EPS15: variants seen among roughly 807,000 people sequenced by gnomAD.
EPS15 encodes epidermal growth factor receptor substrate 15.
In EPS15, 72 loss-of-function variants were observed where a neutral mutation model predicts 113.8. The observed-to-expected ratio is 0.63, with a 90% CI of 0.52 to 0.77. EPS15 has a LOEUF of 0.77. EPS15 is among the 30% of genes least tolerant of loss of function. The pLI, the probability that EPS15 is intolerant of heterozygous loss-of-function variation, is 0.00. For missense variants in EPS15, 1,048 were observed against 1,045.8 expected, an observed-to-expected ratio of 1.00 and a Z score of -0.03; for synonymous variants, 344 against 363.4, an observed-to-expected ratio of 0.95 and a Z score of 0.61.
At position 51,508,186 on chromosome 1, in the gene EPS15, G is replaced by GAGAAAAGAAAAGAAAAGAAAAGAAA. The variant is rs763482561; in HGVS notation, c.33+10988_33+11012dup. ...ACAGAGCAAGACTCAGTCACAAAAA[G>GAGAAAAGAAAAGAAAAGAAAAGAAA]AGAAAAGAAAAGAAAAGAAAAGAAA... is the stretch of plus-strand genomic sequence containing the variant. On this transcript the variant is annotated intron_variant, in intron 1 of 24. Transcript: ENST00000371733. 8.5e-3 allele frequency among the ~76,000 whole-genome samples: 687 copies of GAGAAAAGAAAAGAAAAGAAAAGAAA among 81,064 alleles called. 6 individuals are homozygous for GAGAAAAGAAAAGAAAAGAAAAGAAA. The highest frequency in any genetic ancestry group is 0.013 in the Admixed American group (79 of 6,010). 53.2% of individuals were successfully genotyped at this position (81,064 alleles called of 152,430 possible). A position where few individuals can be genotyped will look rare whatever the true frequency, so the allele number is the denominator to read the frequency against.
intron 7 of EPS15, 152 bp downstream of exon 7, chr1:51,463,521 A>G: frequency 2.0e-6 from 1 of 500,278 alleles, no homozygotes; most frequent in Non-Finnish European, 3.5e-6. Context: ...CAATAATTTT[A>G]TACATTAAGT....
chr1:51,401,029 T>C, intron 18 of EPS15, 76 bp from the exon 19 acceptor site: 2 of 964,162 alleles, frequency 2.1e-6, no homozygotes, highest in Non-Finnish European at 3.1e-6. Context: ...AGAGTAACTT[T>C]CAAACAAAAG....
At chr1:51,512,184 A>T (rs375468605) in intron 1 of EPS15, among the ~76,000 whole-genome samples, 2 of 152,188 alleles carry the variant, frequency 1.3e-5, no homozygotes, top group East Asian at 1.9e-4. Flanking sequence ...AAACTACAGG[A>T]GTAGCTAAAG....
chr1:51,471,335 C>T (rs1655221766), intron 4 of EPS15, among the ~76,000 whole-genome samples: 1 of 152,150 alleles, frequency 6.6e-6, no homozygotes, highest in Admixed American at 6.5e-5. Context: ...TGTGATTAAC[C>T]AAGAGTTTCC....
Position 51,447,150 on chromosome 1 carries a change from A to T in EPS15, c.652-45T>A, listed in dbSNP as rs369765985. The T allele has an allele frequency of 2.0e-6, 3 of 1,532,176 alleles. No individual in the cohort carries two copies. In the African/African-American group the frequency reaches 4.2e-5, roughly 21 times the overall value. The allele number at this position is 1,532,176 out of a possible 1,614,324, so 94.9% of individuals were successfully genotyped here. On this transcript the variant is annotated intron_variant, in intron 9 of 24. Coordinates refer to ENST00000371733, the MANE Select transcript of EPS15 (RefSeq NM_001981.3). ...CAGTATTTCTGCCAAAATGAAACAA[A>T]CTTTGAAGTGTCACTCTTTCAATCC... is the stretch of plus-strand genomic sequence containing the variant.
chr1:51,480,774 A>G (rs1457639870), intron 2 of EPS15, among the ~76,000 whole-genome samples: 1 of 152,110 alleles, frequency 6.6e-6, no homozygotes, highest in African/African-American at 2.4e-5. Context: ...AGCCTCCCAA[A>G]GGGCTGGGAT....
chr1:51,405,915 T>G lies in EPS15; in HGVS notation c.1667A>C (p.Gln556Pro), dbSNP rs140792382. ...QSNLESEPIH[Q>P]ESPARSSPEL... is the part of the protein sequence containing the mutation. The stretch of plus-strand genomic sequence containing the variant: ...AAGTATTAGACTCACTGGAGATTCC[T>G]GGTGTATGGGCTCAGACTCTAGGTT... The change falls in exon 16 of 25, where the codon CAG becomes CCG. Residue 556 changes from glutamine to proline, a missense_variant. By Grantham distance (76) the Gln-to-Pro change is moderately conservative. Coordinates refer to ENST00000371733, the MANE Select transcript of EPS15 (RefSeq NM_001981.3). The G allele has an allele frequency of 2.1e-4, 345 of 1,613,860 alleles. No homozygotes were observed. The highest frequency in any genetic ancestry group is 1.7e-4 in the Admixed American group (10 of 59,976).
At chr1:51,481,169 C>A in intron 2 of EPS15, 104 bp downstream of exon 2, 1 of 720,988 alleles carries the variant, frequency 1.4e-6, no homozygotes, top group Non-Finnish European at 2.5e-6. Context: ...GAAAACAAGA[C>A]ACATCAAATT....
At chr1:51,474,902 A>T (rs972679039) in intron 2 of EPS15, among the ~76,000 whole-genome samples, 4 of 144,206 alleles carry the variant, frequency 2.8e-5, no homozygotes, top group Non-Finnish European at 6.0e-5. Flanking sequence ...TCATTGTTCA[A>T]TTCCCACCTA....
chr1:51,490,878 TC>T (rs1644220710), intron 1 of EPS15, among the ~76,000 whole-genome samples: 1 of 152,110 alleles, frequency 6.6e-6, no homozygotes, highest in Non-Finnish European at 1.5e-5. Flanking sequence ...TTAAATAAGG[TC>T]TGTGGGTTAT....
At chr1:51,436,272 C>G (rs963114420) in intron 12 of EPS15, among the ~76,000 whole-genome samples, 6 of 152,016 alleles carry the variant, frequency 3.9e-5, no homozygotes, top group African/African-American at 7.3e-5. Context: ...ACTGAGGGAT[C>G]TGAGTTGTAT....
At chr1:51,357,427 T>TATA (rs57828043) in intron 24 of EPS15, among the ~76,000 whole-genome samples, 153 of 44,538 alleles carry the variant, frequency 3.4e-3, no homozygotes, top group Middle Eastern at 0.012. Context: ...TATATATATA[T>TATA]TTTTTTTTTT....
rs549302582 is a variant in EPS15 at position 51,411,396 on chromosome 1, C to T, written c.1114-1700G>A. On this transcript the variant is annotated intron_variant, in intron 13 of 24. Transcript: ENST00000371733. Reference sequence around the variant, plus strand: ...AGAAAGGCAAAAAGTGACCCTTGTGCCATGAATTGCTAACTCTTGCACAAA... The same window carrying T: ...AGAAAGGCAAAAAGTGACCCTTGTGTCATGAATTGCTAACTCTTGCACAAA... 5.3e-5 allele frequency among the ~76,000 whole-genome samples: 8 copies of T among 152,156 alleles called. No individual in the cohort carries two copies. The East Asian group carries it at 1.5e-3, about 29-fold the overall frequency.
chr1:51,496,858 A>C (rs1275192420), intron 1 of EPS15, among the ~76,000 whole-genome samples: 1 of 152,204 alleles, frequency 6.6e-6, no homozygotes, highest in African/African-American at 2.4e-5. Context: ...AATGTTCTCC[A>C]AGAGTTTAAC....
In EPS15 at chr1:51,365,987, C is replaced by G. The variant is rs779338224; in HGVS notation, c.2162G>C (p.Gly721Ala). The change falls in exon 22 of 25, where the codon GGA becomes GCA. Residue 721 changes from glycine to alanine, a missense_variant. Transcript: ENST00000371733. ...TGTGCTGAAGTCAGCAAATCCACCT[C>G]CAAATGATTCATTCCCAAAAACAGA... ...FASVFGNESF[G>A]GGFADFSTLS... The G allele has an allele frequency of 1.2e-6, 2 of 1,613,042 alleles. No individual in the cohort carries two copies. Among genetic ancestry groups the G allele is most frequent in the African/African-American group, 2.7e-5 (2 of 74,866 alleles).
chr1:51,372,238 A>G, intron 21 of EPS15: 3 of 475,916 alleles, frequency 6.3e-6, no homozygotes, highest in South Asian at 4.6e-5. Flanking sequence ...GCAGGGAGCT[A>G]GGCCTAGTGG....
chr1:51,398,704 C>A (rs911655879), intron 20 of EPS15, among the ~76,000 whole-genome samples: 2 of 152,152 alleles, frequency 1.3e-5, no homozygotes, highest in Non-Finnish European at 2.9e-5. Context: ...CAATAATATA[C>A]CAAACATTTC....
At chr1:51,409,719 T>G in intron 13 of EPS15, 23 bp from the exon 14 acceptor site, 1 of 1,550,370 alleles carries the variant, frequency 6.5e-7, no homozygotes, top group East Asian at 2.2e-5. Context: ...AAAATTAATA[T>G]ATTTATTTTC....
At chr1:51,515,610 C>CT (rs1644701446) in intron 1 of EPS15, among the ~76,000 whole-genome samples, 1 of 152,160 alleles carries the variant, frequency 6.6e-6, no homozygotes, top group Non-Finnish European at 1.5e-5. Flanking sequence ...ATAGCACTAA[C>CT]TTTGAACACA....
Sources: allele counts gnomAD v4.1 joint callset (sites outside exome capture counted in the v4.1 genomes callset), GRCh38; gene constraint gnomAD v4.1.1; transcripts MANE v1.5; gene names NCBI Gene and HGNC (gene_info 2026-07-23, HGNC 2026-07-21).